The following EXOSC4 variants were observed in gnomAD, a reference collection of about 807,000 sequenced individuals.
The protein encoded by EXOSC4 is exosome component 4.
Under a neutral mutation model 20.0 loss-of-function variants are expected in EXOSC4, and 14 were observed. The ratio of observed to expected loss-of-function variants is 0.70; its 90% CI spans 0.46 to 1.09. The LOEUF (loss-of-function observed/expected upper bound fraction) is 1.09. EXOSC4 is among the 50% of genes least tolerant of loss of function. The pLI, the probability that EXOSC4 is intolerant of heterozygous loss-of-function variation, is 0.00. For synonymous variants in EXOSC4, 148 were observed against 146.4 expected, an observed-to-expected ratio of 1.01 and a Z score of -0.08; for missense variants, 337 against 334.0, an observed-to-expected ratio of 1.01 and a Z score of -0.07.
At chr8:144,077,388 C>G (rs1554762878), upstream of EXOSC4, among the ~76,000 whole-genome samples, 1 of 152,182 alleles carries the variant, frequency 6.6e-6, no homozygotes. Flanking sequence ...TCCGGGGTGG[C>G]AAGTGGCAGA....
chr8:144,070,206 CT>C, the EXOSC4 span, among the ~76,000 whole-genome samples: 15 of 152,210 alleles, frequency 9.9e-5, no homozygotes, highest in South Asian at 2.7e-3. Context: ...TCAAGGCCCT[CT>C]GATTTTTGGT....
At chr8:144,076,154 A>C (rs35711940), upstream of EXOSC4, among the ~76,000 whole-genome samples, 1 of 152,160 alleles carries the variant, frequency 6.6e-6, no homozygotes, top group African/African-American at 2.4e-5. Flanking sequence ...GCCCTCCATA[A>C]AACCCCAGGG....
chr8:144,064,998 C>T, the EXOSC4 span, among the ~76,000 whole-genome samples: 2 of 152,048 alleles, frequency 1.3e-5, no homozygotes, highest in Admixed American at 1.3e-4. Flanking sequence ...CCCGCAACCA[C>T]GCCTGGCTAA....
rs887344804 is a variant in EXOSC4, at chr8:144,080,092, C to G, written c.321C>G (p.Phe107Leu). Reference sequence around the variant, plus strand: ...TGGGCCTGCAGCTCCGCCAGACTTTCGAAGCAGCCATCCTCACACAGCTGC... The same window carrying G: ...TGGGCCTGCAGCTCCGCCAGACTTTGGAAGCAGCCATCCTCACACAGCTGC... ...CEMGLQLRQT[F>L]EAAILTQLHP... Residue 107 changes from phenylalanine (F) to leucine (L), a missense_variant, in exon 2 of 3, where the codon TTC becomes TTG. Coordinates refer to ENST00000316052, the MANE Select transcript of EXOSC4 (RefSeq NM_019037.3). The surrounding 1 kb of genome is among the most constrained non-coding windows in gnomAD (Gnocchi z 4.9). 8.7e-6 allele frequency: 14 copies of G among 1,613,934 alleles called. No homozygotes were observed. The highest frequency in any genetic ancestry group is 1.2e-5 in the Non-Finnish European group (14 of 1,180,006).
the EXOSC4 span, among the ~76,000 whole-genome samples, chr8:144,070,776 C>T: frequency 2.0e-5 from 3 of 151,736 alleles, no homozygotes; most frequent in South Asian, 2.1e-4. Flanking sequence ...TGCAGTGAGC[C>T]GAGGTCGCAC....
At chr8:144,072,874 G>A in the EXOSC4 span, among the ~76,000 whole-genome samples, 20 of 152,356 alleles carry the variant, frequency 1.3e-4, no homozygotes, top group South Asian at 4.1e-3. Context: ...GTGTCCCTTT[G>A]ATATGTTGAC....
At position 144,078,769 on chromosome 8, in the gene EXOSC4, T is replaced by G. The variant is rs1554763054; in HGVS notation, c.41T>G (p.Val14Gly). 2.6e-6 allele frequency: 4 copies of G among 1,528,908 alleles called. No homozygotes were observed. Among genetic ancestry groups the G allele is most frequent in the Non-Finnish European group, 3.5e-6 (4 of 1,139,986 alleles). The allele number at this position is 1,528,908 out of a possible 1,614,324, so 94.7% of individuals were successfully genotyped here. The part of the protein sequence containing the change: ...LELLSDQGYR[V>G]DGRRAGELRK... ...CTCTTGTCGGACCAGGGCTACCGGG[T>G]GGACGGGCGGCGCGCCGGGGAGCTG... is the stretch of plus-strand genomic sequence containing the variant. The change falls in exon 1 of 3, where the codon GTG becomes GGG. Residue 14 changes from valine (V) to glycine (G), a missense_variant. Val to Gly is a moderately radical substitution (Grantham distance 109). Transcript: ENST00000316052. The surrounding 1 kb of genome is among the most constrained non-coding windows in gnomAD (Gnocchi z 4.7).
chr8:144,078,841 C>G lies in EXOSC4; in HGVS notation c.113C>G (p.Ser38Trp). 6.3e-7 allele frequency: 1 copy of G among 1,579,460 alleles called. No individual in the cohort carries two copies. Among genetic ancestry groups the G allele is most frequent in the Non-Finnish European group, 8.6e-7 (1 of 1,165,554 alleles). ...GGCGTGTTCGCGCAGGCTGACGGCT[C>G]GGCCTACATTGAGCAGGGCAACACC... ...RMGVFAQADG[S>W]AYIEQGNTKA... Residue 38 changes from serine to tryptophan, a missense_variant, in exon 1 of 3, where the codon TCG (serine) becomes TGG (tryptophan). Ser to Trp is a radical substitution (Grantham distance 177). Transcript: ENST00000316052. The surrounding 1 kb of genome is among the most constrained non-coding windows in gnomAD (Gnocchi z 4.7).
At chr8:144,073,263 G>A in the EXOSC4 span, among the ~76,000 whole-genome samples, 2 of 152,168 alleles carry the variant, frequency 1.3e-5, no homozygotes, top group African/African-American at 4.8e-5. Flanking sequence ...GCGGGCGCCT[G>A]TAATCCTAGC....
At chr8:144,068,770 A>T in the EXOSC4 span, among the ~76,000 whole-genome samples, 19 of 152,332 alleles carry the variant, frequency 1.2e-4, no homozygotes, top group South Asian at 2.5e-3. Context: ...AGCTGAGGAC[A>T]CGGGTTCCTT....
Position 144,078,806 on chromosome 8 carries a change from G to C in EXOSC4, c.78G>C (p.Gln26His). The change falls in exon 1 of 3, where the codon CAG (glutamine) becomes CAC (histidine). Residue 26 changes from glutamine to histidine, a missense_variant. By Grantham distance (24) the Gln-to-His change is conservative. Coordinates refer to ENST00000316052, the MANE Select transcript of EXOSC4 (RefSeq NM_019037.3). The surrounding 1 kb of genome is among the most constrained non-coding windows in gnomAD (Gnocchi z 4.7). ...GCGCCGGGGAGCTGCGCAAGATCCAGGCGCGGATGGGCGTGTTCGCGCAGG... is the reference window on the plus strand; with the variant it reads ...GCGCCGGGGAGCTGCGCAAGATCCACGCGCGGATGGGCGTGTTCGCGCAGG... Reference protein sequence around the residue: ...GRRAGELRKIQARMGVFAQAD... With the variant: ...GRRAGELRKIHARMGVFAQAD... 2 of 1,575,458 alleles carry C rather than the reference G, an allele frequency of 1.3e-6. No homozygotes were observed. The highest frequency in any genetic ancestry group is 1.2e-5 in the South Asian group (1 of 86,412).
At chr8:144,077,486 A>G (rs76234559), upstream of EXOSC4, among the ~76,000 whole-genome samples, 9,158 of 152,004 alleles carry the variant, frequency 0.06, 318 homozygotes, top group Middle Eastern at 0.095. Flanking sequence ...CTTTCAGGAG[A>G]GCTTAACCAC....
At chr8:144,079,677 G>A (rs1835875719) in intron 1 of EXOSC4, 1 of 643,958 alleles carries the variant, frequency 1.6e-6, no homozygotes, top group African/African-American at 1.8e-5. Context: ...GGATTTGAGT[G>A]TGTAGGTGAG....
chr8:144,075,492 C>T (rs1362583021), upstream of EXOSC4, among the ~76,000 whole-genome samples: 4 of 152,174 alleles, frequency 2.6e-5, no homozygotes, highest in East Asian at 1.9e-4. Context: ...TCCCAAAGTG[C>T]TGGGATTACA....
Position 144,080,308 on chromosome 8 carries a change from G to A in EXOSC4, c.445G>A (p.Ala149Thr), listed in dbSNP as rs1835885786. 6.2e-7 allele frequency: 1 copy of A among 1,613,650 alleles called. No individual in the cohort carries two copies. Among genetic ancestry groups the A allele is most frequent in the African/African-American group, 1.3e-5 (1 of 74,926 alleles). ...VNAATLAVLD[A>T]GIPMRDFVCA... is the part of the protein sequence containing the mutation. Reference sequence around the variant, plus strand: ...TGCAGCCACGCTGGCAGTGCTGGATGCCGGGATACCCATGAGAGACTTTGT... The same window carrying A: ...TGCAGCCACGCTGGCAGTGCTGGATACCGGGATACCCATGAGAGACTTTGT... The change falls in exon 3 of 3, where the codon GCC (alanine) becomes ACC (threonine). Residue 149 changes from alanine (A) to threonine (T), a missense_variant. By Grantham distance (58) the Ala-to-Thr change is moderately conservative. Coordinates refer to ENST00000316052, the MANE Select transcript of EXOSC4 (RefSeq NM_019037.3). The surrounding 1 kb of genome is among the most constrained non-coding windows in gnomAD (Gnocchi z 4.9).
At chr8:144,073,454 G>T in the EXOSC4 span, among the ~76,000 whole-genome samples, 1 of 152,108 alleles carries the variant, frequency 6.6e-6, no homozygotes, top group East Asian at 1.9e-4. Context: ...TCCCAGAACC[G>T]ACACCTACTC....
chr8:144,067,104 A>G, the EXOSC4 span, among the ~76,000 whole-genome samples: 7 of 152,122 alleles, frequency 4.6e-5, no homozygotes, highest in Non-Finnish European at 8.8e-5. Flanking sequence ...AAAAAAACAA[A>G]AAAAAGAATG....
At chr8:144,079,740 G>A in intron 1 of EXOSC4, 1 of 706,334 alleles carries the variant, frequency 1.4e-6, no homozygotes. Flanking sequence ...ATGGGGCAAG[G>A]ATGGACACAA....
At chr8:144,070,872 A>C in the EXOSC4 span, among the ~76,000 whole-genome samples, 1 of 152,152 alleles carries the variant, frequency 6.6e-6, no homozygotes, top group South Asian at 2.1e-4. Context: ...AGGGACCTAC[A>C]GGAGCCTCAT....
Sources: allele counts gnomAD v4.1 joint callset (sites outside exome capture counted in the v4.1 genomes callset), GRCh38; gene constraint gnomAD v4.1.1; non-coding constraint Gnocchi (gnomAD v3.1); transcripts MANE v1.5; gene names NCBI Gene and HGNC (gene_info 2026-07-23, HGNC 2026-07-21).